The following RBMS3 variants were observed in gnomAD, a reference collection of about 807,000 sequenced individuals.
RBMS3 encodes the protein RNA-binding motif, single-stranded-interacting protein 3.
In RBMS3, 27 loss-of-function variants were observed where a neutral mutation model predicts 66.8. That is an observed-to-expected ratio of 0.40 (90% CI 0.30 to 0.56). The LOEUF (loss-of-function observed/expected upper bound fraction) is 0.56, where lower values mean the gene tolerates loss of function less well. Ranked by LOEUF, RBMS3 falls within the 20% of genes least tolerant of loss-of-function variation. The pLI, the probability that RBMS3 is intolerant of heterozygous loss-of-function variation, is 0.40. For synonymous variants in RBMS3, 188 were observed against 183.0 expected, an observed-to-expected ratio of 1.03 and a Z score of -0.22; for missense variants, 513 against 549.5, an observed-to-expected ratio of 0.93 and a Z score of 0.66.
intron 2 of RBMS3, among the ~76,000 whole-genome samples, chr3:29,487,474 A>AT (rs1448756135): frequency 6.6e-6 from 1 of 152,140 alleles, no homozygotes; most frequent in Admixed American, 6.6e-5. Context: ...TCTCAGTGGA[A>AT]TTTTTTGACA....
intron 1 of RBMS3, among the ~76,000 whole-genome samples, chr3:29,333,368 A>C (rs1264100228): frequency 6.6e-6 from 1 of 152,140 alleles, no homozygotes; most frequent in East Asian, 1.9e-4. Flanking sequence ...GTAGCACTAT[A>C]ATGTAGCATC....
At chr3:29,582,029 G>C (rs192927360) in intron 3 of RBMS3, among the ~76,000 whole-genome samples, 3 of 152,282 alleles carry the variant, frequency 2.0e-5, no homozygotes, top group African/African-American at 7.2e-5. Flanking sequence ...AATTTCAAAT[G>C]GATTGTCACG....
At chr3:29,963,024 C>G (rs1172192760) in intron 12 of RBMS3, among the ~76,000 whole-genome samples, 1 of 151,872 alleles carries the variant, frequency 6.6e-6, no homozygotes, top group East Asian at 1.9e-4. Flanking sequence ...ACAATTGCTT[C>G]CAGTTACTTT....
rs1699912547 is a variant in RBMS3, at chr3:30,009,859, C to T, written c.*5997C>T. 6.6e-6 allele frequency: 1 copy of T among 152,008 alleles called. No homozygotes were observed. Among genetic ancestry groups the T allele is most frequent in the African/African-American group, 2.4e-5 (1 of 41,396 alleles). 9.4% of individuals were successfully genotyped at this position (152,008 alleles called of 1,614,324 possible). On this transcript the variant is annotated 3_prime_UTR_variant, in exon 15 of 15. Coordinates refer to ENST00000383767, the MANE Select transcript of RBMS3 (RefSeq NM_001003793.3). Reference sequence around the variant, plus strand: ...ATTATTGAGAAAGATGTTTTTTCCTCCTCCCTCAAATATGTTATCTCTTCA... The same window carrying T: ...ATTATTGAGAAAGATGTTTTTTCCTTCTCCCTCAAATATGTTATCTCTTCA...
chr3:29,588,278 C>T (rs2047604221), intron 4 of RBMS3, among the ~76,000 whole-genome samples: 1 of 151,964 alleles, frequency 6.6e-6, no homozygotes, highest in Non-Finnish European at 1.5e-5. Context: ...TCTCTAGATT[C>T]TATAAATTTT....
intron 4 of RBMS3, among the ~76,000 whole-genome samples, chr3:29,650,567 A>C (rs760557511): frequency 6.6e-6 from 1 of 152,134 alleles, no homozygotes; most frequent in Non-Finnish European, 1.5e-5. Context: ...TGCTAGGATT[A>C]TAGGCATGAG....
At chr3:29,688,673 C>T (rs2051845533) in intron 4 of RBMS3, among the ~76,000 whole-genome samples, 1 of 141,368 alleles carries the variant, frequency 7.1e-6, no homozygotes, top group Non-Finnish European at 1.5e-5. Context: ...ACCTCCGCCT[C>T]CCAGGTTCAA....
chr3:29,680,765 A>C (rs570599766), intron 4 of RBMS3, among the ~76,000 whole-genome samples: 1 of 152,228 alleles, frequency 6.6e-6, no homozygotes, highest in East Asian at 1.9e-4. Context: ...TAAGGCATCT[A>C]TTACAGGTAT....
At chr3:29,773,543 G>A (rs1029926772) in intron 6 of RBMS3, among the ~76,000 whole-genome samples, 3 of 151,950 alleles carry the variant, frequency 2.0e-5, no homozygotes, top group South Asian at 2.1e-4. Context: ...TAGTTGACCC[G>A]CTGAGATGCC....
Position 29,499,256 on chromosome 3 carries a change from T to G in RBMS3, c.307+10757T>G, listed in dbSNP as rs546765480. Among the ~76,000 whole-genome samples the G allele has an allele frequency of 2.0e-5, 3 of 151,054 alleles. No individual in the cohort carries two copies. The East Asian group carries it at 5.8e-4, about 29-fold the overall frequency. On this transcript the variant is annotated intron_variant, in intron 3 of 14. Transcript: ENST00000383767. ...AGGCATGGTCAATCATCATTTGCTT[T>G]GGTGCTAGCCATTGTTCTTATTATT...
chr3:29,906,012 C>G (rs1426261160), intron 10 of RBMS3, among the ~76,000 whole-genome samples: 1 of 151,898 alleles, frequency 6.6e-6, no homozygotes, highest in Non-Finnish European at 1.5e-5. Flanking sequence ...TATATATTGA[C>G]TTATGGGAAA....
intron 8 of RBMS3, among the ~76,000 whole-genome samples, chr3:29,884,472 C>CTT (rs1258281965): frequency 4.6e-4 from 35 of 75,738 alleles, no homozygotes; most frequent in East Asian, 1.6e-3. Context: ...CTCTCTCTCC[C>CTT]CCCCCGCTCC....
At chr3:29,670,818 C>T (rs1001525158) in intron 4 of RBMS3, among the ~76,000 whole-genome samples, 3 of 152,118 alleles carry the variant, frequency 2.0e-5, no homozygotes, top group African/African-American at 7.2e-5. Context: ...GACTCCACCT[C>T]TGGGGGCAGG....
At chr3:29,620,854 T>A (rs1208629157) in intron 4 of RBMS3, among the ~76,000 whole-genome samples, 4 of 152,166 alleles carry the variant, frequency 2.6e-5, no homozygotes, top group Non-Finnish European at 5.9e-5. Context: ...TTTTAGGGAA[T>A]TGAATTTTAC....
intron 4 of RBMS3, among the ~76,000 whole-genome samples, chr3:29,661,974 T>G (rs1486133096): frequency 6.6e-6 from 1 of 152,238 alleles, no homozygotes; most frequent in Non-Finnish European, 1.5e-5. Context: ...GCAAACATTG[T>G]GCATCCTCAG....
At chr3:29,744,411 G>A (rs1382788770) in intron 5 of RBMS3, among the ~76,000 whole-genome samples, 1 of 152,134 alleles carries the variant, frequency 6.6e-6, no homozygotes, top group Non-Finnish European at 1.5e-5. Context: ...AGAAAAATCT[G>A]TGGTAGCACC....
rs2044827467 is a variant in RBMS3 at position 29,520,813 on chromosome 3, T to C, written c.307+32314T>C. Reference sequence around the variant, plus strand: ...CCAGTCATAATTCTTTGGTGTTTCATTCTATTCAAGGAGGTTAAAGAATCT... The same window carrying C: ...CCAGTCATAATTCTTTGGTGTTTCACTCTATTCAAGGAGGTTAAAGAATCT... On this transcript the variant is annotated intron_variant, in intron 3 of 14. Transcript: ENST00000383767. 4.6e-5 allele frequency among the ~76,000 whole-genome samples: 7 copies of C among 152,312 alleles called. 1 individual carries two copies. The South Asian group carries it at 1.5e-3, about 32-fold the overall frequency.
intron 1 of RBMS3, among the ~76,000 whole-genome samples, chr3:29,402,144 T>C (rs1413557973): frequency 3.9e-5 from 6 of 152,096 alleles, no homozygotes; most frequent in Non-Finnish European, 8.8e-5. Context: ...CTTGGTAATA[T>C]ATTGAAGACT....
intron 3 of RBMS3, among the ~76,000 whole-genome samples, chr3:29,544,709 G>GTGTGTGTGTGTA (rs1684099213): frequency 6.6e-6 from 1 of 151,856 alleles, no homozygotes; most frequent in African/African-American, 2.4e-5. Flanking sequence ...ATGTGTGTGT[G>GTGTGTGTGTGTA]TGTGTGTATA....
Sources: allele counts gnomAD v4.1 joint callset (sites outside exome capture counted in the v4.1 genomes callset), GRCh38; gene constraint gnomAD v4.1.1; transcripts MANE v1.5; gene names NCBI Gene and HGNC (gene_info 2026-07-23, HGNC 2026-07-21).